The following ARID1A variants were observed in gnomAD, a reference collection of about 807,000 sequenced individuals.
ARID1A encodes the protein AT-rich interactive domain-containing protein 1A.
In ARID1A, 20 loss-of-function variants were observed where a neutral mutation model predicts 212.6. The observed-to-expected ratio is 0.09, with a 90% CI of 0.07 to 0.14. ARID1A has a LOEUF of 0.14. Ranked by LOEUF, ARID1A falls within the 10% of genes least tolerant of loss-of-function variation. The pLI is 1.00. For missense variants in ARID1A, 2,587 were observed against 3,059.0 expected, an observed-to-expected ratio of 0.85 and a Z score of 3.64; for synonymous variants, 1,376 against 1,222.1, an observed-to-expected ratio of 1.13 and a Z score of -2.63.
intron 11 of ARID1A, among the ~76,000 whole-genome samples, chr1:26,768,557 A>G (rs1028212731): frequency 6.6e-6 from 1 of 152,212 alleles, no homozygotes; most frequent in African/African-American, 2.4e-5. Flanking sequence ...AGATCTTCCC[A>G]TTCCTGGAAG....
In ARID1A at chr1:26,780,897, C is replaced by A; in HGVS notation, c.*141C>A. On this transcript the variant is annotated 3_prime_UTR_variant, in exon 20 of 20. Transcript: ENST00000324856. The surrounding 1 kb of genome is among the most constrained non-coding windows in gnomAD (Gnocchi z 7.2). Reference sequence around the variant, plus strand: ...TCCAGCTTCTCCCTTGGGAAAAAGTCTCTCCTGTTTCTCTCTCCTCCTTCC... The same window carrying A: ...TCCAGCTTCTCCCTTGGGAAAAAGTATCTCCTGTTTCTCTCTCCTCCTTCC... 1.6e-6 allele frequency: 2 copies of A among 1,247,626 alleles called. No homozygotes were observed. Among genetic ancestry groups the A allele is most frequent in the Non-Finnish European group, 2.2e-6 (2 of 919,688 alleles). The allele number at this position is 1,247,626 out of a possible 1,614,324, so 77.3% of individuals were successfully genotyped here.
intron 1 of ARID1A, among the ~76,000 whole-genome samples, chr1:26,698,527 T>C (rs1389122356): frequency 6.6e-6 from 1 of 152,252 alleles, no homozygotes; most frequent in East Asian, 1.9e-4. Flanking sequence ...TGTTACATTG[T>C]GCCCAAACAA....
At chr1:26,732,178 A>G (rs1405188893) in intron 3 of ARID1A, among the ~76,000 whole-genome samples, 1 of 152,210 alleles carries the variant, frequency 6.6e-6, no homozygotes, top group Non-Finnish European at 1.5e-5. Context: ...AACAAGATGT[A>G]GGTAATAGAG....
At chr1:26,718,775 T>A (rs149504769) in intron 1 of ARID1A, among the ~76,000 whole-genome samples, 2,477 of 152,318 alleles carry the variant, frequency 0.016, 34 homozygotes, top group Non-Finnish European at 0.028. Context: ...ACATTTTTGA[T>A]CTGAGGCTGG....
chr1:26,740,955 T>A (rs529051427), intron 4 of ARID1A, among the ~76,000 whole-genome samples: 19 of 152,314 alleles, frequency 1.2e-4, no homozygotes, highest in Admixed American at 1.0e-3. Flanking sequence ...AAAGTTAAAT[T>A]CCATATTTAT....
intron 1 of ARID1A, among the ~76,000 whole-genome samples, chr1:26,715,986 C>T (rs1369854701): frequency 2.0e-5 from 3 of 151,970 alleles, no homozygotes; most frequent in Non-Finnish European, 4.4e-5. Context: ...GTGGGCGGAT[C>T]ATGAGGTCAG....
intron 4 of ARID1A, among the ~76,000 whole-genome samples, chr1:26,746,892 G>C (rs993566305): frequency 1.3e-5 from 2 of 152,158 alleles, no homozygotes; most frequent in African/African-American, 4.8e-5. Flanking sequence ...AATAAGCTGG[G>C]TGTGGTGGCA....
At chr1:26,718,600 C>A (rs934472078) in intron 1 of ARID1A, among the ~76,000 whole-genome samples, 3 of 152,176 alleles carry the variant, frequency 2.0e-5, no homozygotes, top group Non-Finnish European at 4.4e-5. Context: ...ACCATTAATA[C>A]GTACATTCTC....
chr1:26,775,495 T>TAAC, intron 18 of ARID1A, 82 bp from the exon 19 acceptor site: 2 of 1,570,086 alleles, frequency 1.3e-6, no homozygotes, highest in Non-Finnish European at 1.7e-6. Flanking sequence ...ATCTTCAGAG[T>TAAC]AGCTTCACTG....
intron 1 of ARID1A, chr1:26,729,426 A>T (rs2080651132): frequency 1.8e-6 from 1 of 564,490 alleles, no homozygotes; most frequent in Non-Finnish European, 3.2e-6. Flanking sequence ...TTAGCTTACA[A>T]GGTGTTTTCA....
In ARID1A at chr1:26,736,951, A is replaced by C. The variant is rs982331869; in HGVS notation, c.1920+4159A>C. On this transcript the variant is annotated intron_variant, in intron 4 of 19. Transcript: ENST00000324856. ...TGCACAATATATAAGGCCTACAAAA[A>C]CTATAAAGAACAGTTCAGTACCTGA... is the stretch of plus-strand genomic sequence containing the variant. Among the ~76,000 whole-genome samples, 8 of 152,018 alleles carry C rather than the reference A, an allele frequency of 5.3e-5. No homozygotes were observed. In the South Asian group the frequency reaches 1.2e-3, roughly 24 times the overall value.
chr1:26,741,440 G>A (rs979187886), intron 4 of ARID1A, among the ~76,000 whole-genome samples: 2 of 152,112 alleles, frequency 1.3e-5, no homozygotes, highest in Admixed American at 6.5e-5. Context: ...GGAGAGTCTG[G>A]CTGAATCAGT....
chr1:26,767,886 G>A lies in ARID1A; in HGVS notation c.3085G>A (p.Ala1029Thr), dbSNP rs867235780. The A allele has an allele frequency of 1.2e-6, 2 of 1,614,028 alleles. No homozygotes were observed. Among genetic ancestry groups the A allele is most frequent in the African/African-American group, 2.7e-5 (2 of 74,912 alleles). Residue 1029 changes from alanine to threonine, a missense_variant, in exon 11 of 20, where the codon GCC becomes ACC. Ala to Thr is a moderately conservative substitution (Grantham distance 58). Transcript: ENST00000324856. ...ERKMWVDRYL[A>T]FTEEKAMGMT... ...GAAGATGTGGGTGGACCGTTATCTG[G>A]CCTTCACTGAGGAGAAGGCCATGGG...
intron 19 of ARID1A, chr1:26,778,093 ACACACACACT>A (rs1189489446): frequency 3.4e-5 from 5 of 148,850 alleles, no homozygotes; most frequent in African/African-American, 1.2e-4. Flanking sequence ...AAAAATACAC[ACACACACACT>A]CTCACACACT....
In ARID1A at chr1:26,721,984, C is replaced by T. The variant is rs569010050; in HGVS notation, c.1138-7667C>T. 3.3e-5 allele frequency among the ~76,000 whole-genome samples: 5 copies of T among 152,270 alleles called. No individual in the cohort carries two copies. In the South Asian group the frequency reaches 1.0e-3, roughly 32 times the overall value. On this transcript the variant is annotated intron_variant, in intron 1 of 19. Coordinates refer to ENST00000324856, the MANE Select transcript of ARID1A (RefSeq NM_006015.6). ...AGTGAGTTTTCTCTTATCTTCTGGT[C>T]TGGAAGGATAGAGATATGGTAGTCT...
At chr1:26,704,365 G>T (rs2080367159) in intron 1 of ARID1A, among the ~76,000 whole-genome samples, 2 of 152,200 alleles carry the variant, frequency 1.3e-5, no homozygotes. Context: ...TGGTGAGTCT[G>T]TCTTGGCAGA....
Position 26,766,257 on chromosome 1 carries a change from G to T in ARID1A, c.2769G>T (p.Met923Ile). 1 of 1,614,090 alleles carries T rather than the reference G, an allele frequency of 6.2e-7. No homozygotes were observed. The highest frequency in any genetic ancestry group is 8.5e-7 in the Non-Finnish European group (1 of 1,180,006). ...PGYPNMNQGG[M>I]MGTGPPYGQG... ...ACCCCAATATGAATCAAGGGGGCAT[G>T]ATGGGAACTGGACCTCCTTATGGAC... The change falls in exon 9 of 20, where the codon ATG becomes ATT. Residue 923 changes from methionine (M) to isoleucine (I), a missense_variant. By Grantham distance (10) the Met-to-Ile change is conservative (BLOSUM62 1). Transcript: ENST00000324856.
In ARID1A at chr1:26,780,927, CCCCT is replaced by C; in HGVS notation, c.*178_*181del. On this transcript the variant is annotated 3_prime_UTR_variant, in exon 20 of 20. Coordinates refer to ENST00000324856, the MANE Select transcript of ARID1A (RefSeq NM_006015.6). The surrounding 1 kb of genome is among the most constrained non-coding windows in gnomAD (Gnocchi z 7.2). Reference sequence around the variant, plus strand: ...CTGTTTCTCTCTCCTCCTTCCACCTCCCCTCCCTCCATCACCTCACGCCTTTCTG... The same window carrying C: ...CTGTTTCTCTCTCCTCCTTCCACCTCCCCTCCATCACCTCACGCCTTTCTG... 1.1e-6 allele frequency: 1 copy of C among 916,950 alleles called. No homozygotes were observed. Among genetic ancestry groups the C allele is most frequent in the South Asian group, 1.9e-5 (1 of 53,536 alleles). 56.8% of individuals were successfully genotyped at this position (916,950 alleles called of 1,614,324 possible).
At chr1:26,756,851 C>T (rs890001699) in intron 4 of ARID1A, among the ~76,000 whole-genome samples, 6 of 151,614 alleles carry the variant, frequency 4.0e-5, no homozygotes, top group Admixed American at 1.3e-4. Flanking sequence ...CATGGGTGCC[C>T]GTCACCACGT....
Sources: allele counts gnomAD v4.1 joint callset (sites outside exome capture counted in the v4.1 genomes callset), GRCh38; gene constraint gnomAD v4.1.1; non-coding constraint Gnocchi (gnomAD v3.1); transcripts MANE v1.5; gene names NCBI Gene and HGNC (gene_info 2026-07-23, HGNC 2026-07-21).